JADE2: variants seen among roughly 807,000 people sequenced by gnomAD.
JADE2 encodes the protein E3 ubiquitin-protein ligase Jade-2.
JADE2 carries 13 observed loss-of-function variants against 85.7 expected under a neutral mutation model. That is an observed-to-expected ratio of 0.15 (90% CI 0.10 to 0.24). The LOEUF (loss-of-function observed/expected upper bound fraction) is 0.24. Among genes scored for constraint, JADE2 ranks in the 10% least tolerant of loss-of-function variants. The probability of loss-of-function intolerance (pLI) is 1.00; values close to 1 mark genes in which losing one functional copy is unlikely to be tolerated. For synonymous variants in JADE2, 440 were observed against 456.1 expected (o/e 0.96, Z 0.45); for missense variants, 846 against 1,115.9 (o/e 0.76, Z 3.45).
At chr5:134,533,682 G>A (rs1046733129) in intron 1 of JADE2, 23 of 472,250 alleles carry the variant, frequency 4.9e-5, no homozygotes, top group Admixed American at 1.9e-4. Context: ...TGAGGAAGAC[G>A]TAGGCTAGAA....
chr5:134,554,982 C>T (rs1429426884), intron 4 of JADE2, among the ~76,000 whole-genome samples: 3 of 152,200 alleles, frequency 2.0e-5, no homozygotes, highest in Non-Finnish European at 2.9e-5. Flanking sequence ...CTGGGGAATT[C>T]CCTGCATGGC....
At chr5:134,532,142 C>T (rs981133369) in intron 1 of JADE2, among the ~76,000 whole-genome samples, 2 of 151,914 alleles carry the variant, frequency 1.3e-5, no homozygotes, top group Admixed American at 1.3e-4. Context: ...GCTTTGGCCT[C>T]CATAAGTGCT....
At chr5:134,546,597 G>A (rs1329253543) in intron 3 of JADE2, among the ~76,000 whole-genome samples, 4 of 151,936 alleles carry the variant, frequency 2.6e-5, no homozygotes, top group African/African-American at 7.3e-5. Context: ...GTGAAATCCT[G>A]TCTCTACTAA....
At chr5:134,551,335 C>T (rs1762580970) in intron 3 of JADE2, among the ~76,000 whole-genome samples, 2 of 152,040 alleles carry the variant, frequency 1.3e-5, no homozygotes, top group Non-Finnish European at 2.9e-5. Context: ...CTCAAGCAAT[C>T]CTTCCACCTC....
intron 3 of JADE2, among the ~76,000 whole-genome samples, chr5:134,538,737 T>C (rs529079773): frequency 6.6e-6 from 1 of 152,312 alleles, no homozygotes; most frequent in Non-Finnish European, 1.5e-5. Context: ...TTGCTCCTTC[T>C]TGTAGGTCTT....
At position 134,580,007 on chromosome 5, in the gene JADE2, G is replaced by A. The variant is rs532703586; in HGVS notation, c.*690G>A. ...GCCCAGCCCAGCGGCTCTGGGAAGGGGTTCCCAGAATCCCTCCTGAGCTGT... is the reference window on the plus strand; with the variant it reads ...GCCCAGCCCAGCGGCTCTGGGAAGGAGTTCCCAGAATCCCTCCTGAGCTGT... On this transcript the variant is annotated 3_prime_UTR_variant, in exon 12 of 12. Transcript: ENST00000681547. The A allele has an allele frequency of 6.5e-6, 1 of 152,862 alleles. No individual in the cohort carries two copies. The highest frequency in any genetic ancestry group is 2.4e-5 in the African/African-American group (1 of 41,534). 9.5% of individuals were successfully genotyped at this position (152,862 alleles called of 1,614,324 possible).
intron 1 of JADE2, among the ~76,000 whole-genome samples, chr5:134,531,732 G>A (rs776879360): frequency 4.0e-5 from 6 of 151,694 alleles, no homozygotes; most frequent in African/African-American, 9.7e-5. Context: ...ACAGGCTTCC[G>A]CCACTAAGCC....
chr5:134,562,182 C>T lies in JADE2; in HGVS notation c.685-18C>T. 6.3e-7 allele frequency: 1 copy of T among 1,588,742 alleles called. No individual in the cohort carries two copies. The highest frequency in any genetic ancestry group is 2.2e-5 in the East Asian group (1 of 44,630). The stretch of plus-strand genomic sequence containing the variant: ...TTGGCCAGTTCCGCTGACTCATGAC[C>T]ACCCTGCTCTCTCCTAGGCATGCTA... On this transcript the variant is annotated intron_variant, in intron 6 of 11. Transcript: ENST00000681547. This position sits in a 1 kb window ranked among gnomAD's most constrained non-coding sequence, Gnocchi z 4.6.
chr5:134,562,317 A>G lies in JADE2; in HGVS notation c.802A>G (p.Arg268Gly). ...PKRGGALKPT[R>G]SGTKWVHVSC... Reference sequence around the variant, plus strand: ...GCGAGGAGGAGCCTTGAAGCCCACTAGAAGTGGGACCAAGTGGGTGCATGT... The same window carrying G: ...GCGAGGAGGAGCCTTGAAGCCCACTGGAAGTGGGACCAAGTGGGTGCATGT... The change falls in exon 7 of 12, where the codon AGA becomes GGA. Residue 268 changes from arginine (R) to glycine (G), a missense_variant. This residue lies in a region of JADE2 where 129 missense variants were observed against 255.4 expected (regional missense o/e 0.51). Coordinates refer to ENST00000681547, the MANE Select transcript of JADE2 (RefSeq NM_001388185.1). The surrounding 1 kb of genome is among the most constrained non-coding windows in gnomAD (Gnocchi z 4.6). The G allele has an allele frequency of 6.2e-7, 1 of 1,614,032 alleles. No homozygotes were observed. The highest frequency in any genetic ancestry group is 8.5e-7 in the Non-Finnish European group (1 of 1,179,964).
Position 134,548,131 on chromosome 5 carries a change from G to A in JADE2, c.154-3921G>A, listed in dbSNP as rs932000308. Among the ~76,000 whole-genome samples, 5 of 152,364 alleles carry A rather than the reference G, an allele frequency of 3.3e-5. No homozygotes were observed. In the South Asian group the frequency reaches 8.3e-4, roughly 25 times the overall value. ...GTCACAGGGCCTCATTGGCTCTGCAGTTCAGTGTGGGCACAGTGGGAGGAC... is the reference window on the plus strand; with the variant it reads ...GTCACAGGGCCTCATTGGCTCTGCAATTCAGTGTGGGCACAGTGGGAGGAC... On this transcript the variant is annotated intron_variant, in intron 3 of 11. Coordinates refer to ENST00000681547, the MANE Select transcript of JADE2 (RefSeq NM_001388185.1).
chr5:134,526,110 C>T, intron 1 of JADE2, 99 bp downstream of exon 1: 1 of 984,992 alleles, frequency 1.0e-6, no homozygotes, highest in Non-Finnish European at 1.2e-6. Flanking sequence ...CCCTCGCTCT[C>T]TCTTGCTCGC....
chr5:134,566,413 C>T lies in JADE2; in HGVS notation c.1267C>T (p.Leu423=). The T allele has an allele frequency of 6.2e-7, 1 of 1,613,986 alleles. No homozygotes were observed. Among genetic ancestry groups the T allele is most frequent in the Non-Finnish European group, 8.5e-7 (1 of 1,179,986 alleles). Residue 423 remains leucine, a synonymous_variant, in exon 9 of 12, where the codon CTG becomes TTG. Coordinates refer to ENST00000681547, the MANE Select transcript of JADE2 (RefSeq NM_001388185.1). This position sits in a 1 kb window ranked among gnomAD's most constrained non-coding sequence, Gnocchi z 6.7. ...TGAGCGGCTGGACCTGGCTGAGGCACTGGTCGACTTCATCTACCAGTACTG... is the reference window on the plus strand; with the variant it reads ...TGAGCGGCTGGACCTGGCTGAGGCATTGGTCGACTTCATCTACCAGTACTG... ...VAERLDLAEA[L]VDFIYQYWKL...
At chr5:134,542,023 A>C (rs1244905825) in intron 3 of JADE2, among the ~76,000 whole-genome samples, 1 of 152,260 alleles carries the variant, frequency 6.6e-6, no homozygotes, top group Non-Finnish European at 1.5e-5. Flanking sequence ...TGAGAGCTGA[A>C]GGCATGGGCC....
At chr5:134,544,494 TTCCC>T in intron 3 of JADE2, 1 of 166,968 alleles carries the variant, frequency 6.0e-6, no homozygotes, top group African/African-American at 2.4e-5. Context: ...ATGTGACTCC[TTCCC>T]GAGACTCATG....
chr5:134,526,225 G>GT (rs1213667097), intron 1 of JADE2: 9 of 985,426 alleles, frequency 9.1e-6, no homozygotes, highest in African/African-American at 1.7e-5. Flanking sequence ...GGTCAGTCGT[G>GT]TTTTAAAGAG....
In JADE2 at chr5:134,579,524, A is replaced by C; in HGVS notation, c.*207A>C. 1.8e-6 allele frequency: 1 copy of C among 545,704 alleles called. No homozygotes were observed. The highest frequency in any genetic ancestry group is 2.8e-5 in the South Asian group (1 of 35,652). The allele number at this position is 545,704 out of a possible 1,614,324, so 33.8% of individuals were successfully genotyped here. The stretch of plus-strand genomic sequence containing the variant: ...GGCCTAGGACATTAGGATTCCTTCC[A>C]CGGCTCCGGCCGCTAGGACCCTGCC... On this transcript the variant is annotated 3_prime_UTR_variant, in exon 12 of 12. Transcript: ENST00000681547. The surrounding 1 kb of genome is among the most constrained non-coding windows in gnomAD (Gnocchi z 4.6).
intron 1 of JADE2, among the ~76,000 whole-genome samples, chr5:134,527,020 C>T (rs1014582765): frequency 5.3e-5 from 8 of 152,178 alleles, no homozygotes; most frequent in Admixed American, 5.2e-4. Flanking sequence ...GCCTAGGGCC[C>T]TGCACCATGG....
chr5:134,560,664 C>A, intron 5 of JADE2, 82 bp from the exon 6 acceptor site: 2 of 1,230,218 alleles, frequency 1.6e-6, no homozygotes, highest in Non-Finnish European at 1.2e-6. Context: ...TGAATTCCTG[C>A]AACTCCAGGA....
rs567331929 is a variant in JADE2 at position 134,580,636 on chromosome 5, A to T, written c.*1319A>T. 6.6e-6 allele frequency: 1 copy of T among 152,332 alleles called. No homozygotes were observed. Among genetic ancestry groups the T allele is most frequent in the African/African-American group, 2.4e-5 (1 of 41,370 alleles). 9.4% of individuals were successfully genotyped at this position (152,332 alleles called of 1,614,324 possible). Reference sequence around the variant, plus strand: ...CCACTGGTAAAGCCAGAACTTCTCCAAAAAGAACCTTGCAAAAAGTCCAGT... The same window carrying T: ...CCACTGGTAAAGCCAGAACTTCTCCTAAAAGAACCTTGCAAAAAGTCCAGT... On this transcript the variant is annotated 3_prime_UTR_variant, in exon 12 of 12. Transcript: ENST00000681547.
Sources: allele counts gnomAD v4.1 joint callset (sites outside exome capture counted in the v4.1 genomes callset), GRCh38; gene constraint gnomAD v4.1.1; regional missense constraint gnomAD v4.1.1; non-coding constraint Gnocchi (gnomAD v3.1); transcripts MANE v1.5; gene names NCBI Gene and HGNC (gene_info 2026-07-23, HGNC 2026-07-21).